Variants in RBP5 observed in about 807,000 individuals in gnomAD.
RBP5 encodes retinol binding protein 5.
A neutral mutation model predicts 17.8 loss-of-function variants in RBP5; 12 were observed. The ratio of observed to expected loss-of-function variants is 0.67; its 90% CI spans 0.43 to 1.09. RBP5 has a LOEUF of 1.09. RBP5 is among the 50% of genes least tolerant of loss of function. The pLI is 0.00. For missense variants in RBP5, 172 were observed against 169.4 expected, an observed-to-expected ratio of 1.02 and a Z score of -0.09; for synonymous variants, 64 against 68.1, an observed-to-expected ratio of 0.94 and a Z score of 0.30.
chr12:7,123,796 A>G lies in RBP5; in HGVS notation c.*325T>C. The G allele has an allele frequency of 3.7e-6, 1 of 271,340 alleles. No individual in the cohort carries two copies. Among genetic ancestry groups the G allele is most frequent in the East Asian group, 6.6e-5 (1 of 15,224 alleles). 16.8% of individuals were successfully genotyped at this position (271,340 alleles called of 1,614,324 possible). A position where few individuals can be genotyped will look rare whatever the true frequency, so the allele number is the denominator to read the frequency against. ...TGCCCAAAGCTTAGTTCTTTCTTAG[A>G]AGGAAAAGAAGAGGTCAAATGGACA... On this transcript the variant is annotated 3_prime_UTR_variant, in exon 4 of 4. Coordinates refer to ENST00000266560, the MANE Select transcript of RBP5 (RefSeq NM_031491.4).
rs1223441594 is a variant in RBP5 at position 7,124,222 on chromosome 12, C to T, written c.355-48G>A. On this transcript the variant is annotated intron_variant, in intron 3 of 3. Coordinates refer to ENST00000266560, the MANE Select transcript of RBP5 (RefSeq NM_031491.4). This position sits in a 1 kb window ranked among gnomAD's most constrained non-coding sequence, Gnocchi z 5.3. Reference sequence around the variant, plus strand: ...GGGGAGAGAGAAAGAGGGCGTTTGCCAGCCAGAGCCCCTTTCTCAAGGTCC... The same window carrying T: ...GGGGAGAGAGAAAGAGGGCGTTTGCTAGCCAGAGCCCCTTTCTCAAGGTCC... 1 of 1,572,078 alleles carries T rather than the reference C, an allele frequency of 6.4e-7. No homozygotes were observed. The highest frequency in any genetic ancestry group is 2.2e-5 in the East Asian group (1 of 44,660).
chr12:7,127,806 G>T (rs762314761), intron 2 of RBP5: 3 of 678,012 alleles, frequency 4.4e-6, no homozygotes, highest in Non-Finnish European at 8.1e-6. Flanking sequence ...AAAACTCTGC[G>T]GAGAAAACTC....
At chr12:7,126,083 C>T (rs1220735930) in intron 2 of RBP5, among the ~76,000 whole-genome samples, 1 of 90,086 alleles carries the variant, frequency 1.1e-5, no homozygotes, top group East Asian at 3.6e-4. Context: ...AAAAAAAAAA[C>T]ACAAAAACAC....
At chr12:7,118,366 CGGGACCAGGCCT>C (rs1939032906) in intron 3 of RBP5, 1 of 152,282 alleles carries the variant, frequency 6.6e-6, no homozygotes, top group Non-Finnish European at 1.5e-5. Context: ...GAAGGTGGAT[CGGGACCAGGCCT>C]GGGAGGGAGC....
At chr12:7,127,448 A>C (rs1939190786) in intron 2 of RBP5, 3 of 514,308 alleles carry the variant, frequency 5.8e-6, no homozygotes, top group Non-Finnish European at 1.0e-5. Flanking sequence ...TATGCTTTAA[A>C]TCATCTCTAG....
chr12:7,121,977 A>G (rs2290240), downstream of RBP5: 3 of 154,224 alleles, frequency 1.9e-5, no homozygotes, highest in African/African-American at 7.2e-5. Context: ...CTCCACTCAC[A>G]TCTTGGTCCC....
At chr12:7,126,194 C>G (rs1939157596) in intron 2 of RBP5, among the ~76,000 whole-genome samples, 1 of 151,638 alleles carries the variant, frequency 6.6e-6, no homozygotes, top group Non-Finnish European at 1.5e-5. Flanking sequence ...AAGAGTGATG[C>G]TCAACAGAAA....
chr12:7,126,544 T>G (rs1183465161), intron 2 of RBP5, among the ~76,000 whole-genome samples: 2 of 136,770 alleles, frequency 1.5e-5, no homozygotes, highest in African/African-American at 5.4e-5. Flanking sequence ...TGTGTGTGTG[T>G]GTGTGTGTGT....
downstream of RBP5, chr12:7,120,773 C>T (rs1478396479): frequency 6.5e-6 from 1 of 153,370 alleles, no homozygotes; most frequent in African/African-American, 2.4e-5. Context: ...CACCTGTAAT[C>T]CCAGCACTTT....
chr12:7,124,800 G>T lies in RBP5; in HGVS notation c.253-70C>A. 3 of 885,212 alleles carry T rather than the reference G, an allele frequency of 3.4e-6. No individual in the cohort carries two copies. The highest frequency in any genetic ancestry group is 1.4e-5 in the South Asian group (1 of 72,574). 54.8% of individuals were successfully genotyped at this position (885,212 alleles called of 1,614,324 possible). A position where few individuals can be genotyped will look rare whatever the true frequency, so the allele number is the denominator to read the frequency against. On this transcript the variant is annotated intron_variant, in intron 2 of 3. Coordinates refer to ENST00000266560, the MANE Select transcript of RBP5 (RefSeq NM_031491.4). The surrounding 1 kb of genome is among the most constrained non-coding windows in gnomAD (Gnocchi z 5.3). ...CTCAAAATGCTTCCCATCTCACTCT[G>T]AATGGGCTCCCCCTTTTACTCCACA... is the stretch of plus-strand genomic sequence containing the variant.
intron 3 of RBP5, chr12:7,118,490 C>T (rs1939034485): frequency 6.6e-6 from 1 of 152,204 alleles, no homozygotes; most frequent in Non-Finnish European, 1.5e-5. Context: ...AGGAAGATGC[C>T]ACCGCTGTTG....
chr12:7,128,207 C>A lies in RBP5; in HGVS notation c.252+33G>T. 6.3e-7 allele frequency: 1 copy of A among 1,582,874 alleles called. No homozygotes were observed. The highest frequency in any genetic ancestry group is 8.6e-7 in the Non-Finnish European group (1 of 1,162,048). ...TGTTAGGAGTCTCCTGTGATGCCTC[C>A]TTCCGGCCACCGCCCAGCCAGGGGA... On this transcript the variant is annotated intron_variant, in intron 2 of 3. Transcript: ENST00000266560. This position sits in a 1 kb window ranked among gnomAD's most constrained non-coding sequence, Gnocchi z 5.3.
chr12:7,123,533 A>T (rs534180161), downstream of RBP5, among the ~76,000 whole-genome samples: 6 of 152,278 alleles, frequency 3.9e-5, no homozygotes, highest in East Asian at 9.7e-4. Flanking sequence ...CCCAACACAT[A>T]GGATGGAAGT....
rs1939126854 is a variant in RBP5, at chr12:7,124,485, T to C, written c.354+144A>G. On this transcript the variant is annotated intron_variant, in intron 3 of 3. Coordinates refer to ENST00000266560, the MANE Select transcript of RBP5 (RefSeq NM_031491.4). The surrounding 1 kb of genome is among the most constrained non-coding windows in gnomAD (Gnocchi z 5.3). ...TTCCTCTCCCCACTCCTCCCAGTGC[T>C]TTTGCTTTCCCTCCCTGGTCAATTC... 1 of 644,568 alleles carries C rather than the reference T, an allele frequency of 1.6e-6. No homozygotes were observed. The highest frequency in any genetic ancestry group is 1.8e-5 in the African/African-American group (1 of 55,086). The allele number at this position is 644,568 out of a possible 1,614,324, so 39.9% of individuals were successfully genotyped here. A position where few individuals can be genotyped will look rare whatever the true frequency, so the allele number is the denominator to read the frequency against.
chr12:7,117,002 G>A lies in RBP5; in HGVS notation n.1195C>T, dbSNP rs1284623177. The A allele has an allele frequency of 6.6e-6, 1 of 152,280 alleles. No individual in the cohort carries two copies. Among genetic ancestry groups the A allele is most frequent in the Admixed American group, 6.5e-5 (1 of 15,286 alleles). The allele number at this position is 152,280 out of a possible 1,614,324, so 9.4% of individuals were successfully genotyped here. A position where few individuals can be genotyped will look rare whatever the true frequency, so the allele number is the denominator to read the frequency against. On this transcript the variant is annotated non_coding_transcript_exon_variant, in exon 4 of 4. Coordinates refer to the RBP5 transcript ENST00000619522. The surrounding 1 kb of genome is among the most constrained non-coding windows in gnomAD (Gnocchi z 4.9). ...AATCCAGAAGCGGCTGAGATGGGTA[G>A]TTTAGGATCAGGGTCTCTCACAAGG...
chr12:7,117,519 C>G lies in RBP5; in HGVS notation n.890-212G>C, dbSNP rs1939020564. Reference sequence around the variant, plus strand: ...GAGTACCTTTGGGGGCTCTGACCCTCTCCTCCTCCACCTTGAGATCTGTAG... The same window carrying G: ...GAGTACCTTTGGGGGCTCTGACCCTGTCCTCCTCCACCTTGAGATCTGTAG... On this transcript the variant is annotated intron_variant and non_coding_transcript_variant, in intron 3 of 3. Transcript: ENST00000619522. This position sits in a 1 kb window ranked among gnomAD's most constrained non-coding sequence, Gnocchi z 4.9. 6.6e-6 allele frequency: 1 copy of G among 152,206 alleles called. No individual in the cohort carries two copies. Among genetic ancestry groups the G allele is most frequent in the Admixed American group, 6.5e-5 (1 of 15,280 alleles). The allele number at this position is 152,206 out of a possible 1,614,324, so 9.4% of individuals were successfully genotyped here.
chr12:7,120,202 T>C (rs939911112), downstream of RBP5, among the ~76,000 whole-genome samples: 4 of 152,100 alleles, frequency 2.6e-5, no homozygotes. Flanking sequence ...GAGATCCTTC[T>C]TGTTTTTGCT....
At chr12:7,125,887 T>G (rs1939151607) in intron 2 of RBP5, among the ~76,000 whole-genome samples, 1 of 151,994 alleles carries the variant, frequency 6.6e-6, no homozygotes, top group Non-Finnish European at 1.5e-5. Flanking sequence ...ATGATCACAT[T>G]TATGTTTTAA....
In RBP5 at chr12:7,124,933, T is replaced by C. The variant is rs762096575; in HGVS notation, c.253-203A>G. Among the ~76,000 whole-genome samples the C allele has an allele frequency of 2.6e-5, 4 of 152,210 alleles. No individual in the cohort carries two copies. Among genetic ancestry groups the C allele is most frequent in the African/African-American group, 7.2e-5 (3 of 41,532 alleles). The stretch of plus-strand genomic sequence containing the variant: ...GTTTTTTGTGTTTTTTTGAGACAAG[T>C]TCTTGCTCTGTCACCCAGGCTGGAG... On this transcript the variant is annotated intron_variant, in intron 2 of 3. Coordinates refer to ENST00000266560, the MANE Select transcript of RBP5 (RefSeq NM_031491.4). The surrounding 1 kb of genome is among the most constrained non-coding windows in gnomAD (Gnocchi z 5.3).
Sources: gnomAD v4.1 joint callset for allele counts (sites outside exome capture counted in the v4.1 genomes callset) on GRCh38, gnomAD v4.1.1 for gene constraint, Gnocchi (gnomAD v3.1) non-coding constraint, MANE v1.5 for transcripts, NCBI Gene and HGNC (gene_info 2026-07-23, HGNC 2026-07-21) for gene names.